The following FSIP1 variants were observed in gnomAD, a reference collection of about 807,000 sequenced individuals.
FSIP1 encodes the protein fibrous sheath-interacting protein 1.
FSIP1 carries 65 observed loss-of-function variants against 60.9 expected under a neutral mutation model. The ratio of observed to expected loss-of-function variants is 1.07; its 90% confidence interval spans 0.87 to 1.31. The LOEUF (loss-of-function observed/expected upper bound fraction) is 1.31. FSIP1 is among the 40% of genes most tolerant of loss of function. FSIP1 has a pLI of 0.00. For missense variants in FSIP1, 675 were observed against 665.5 expected (o/e 1.01, Z -0.16); for synonymous variants, 209 against 221.2 (o/e 0.94, Z 0.49).
intron 9 of FSIP1, among the ~76,000 whole-genome samples, chr15:39,715,122 A>G (rs1895689674): frequency 6.6e-6 from 1 of 152,124 alleles, no homozygotes; most frequent in South Asian, 2.1e-4. Context: ...CTTTGCAGGG[A>G]AGACACAGAA....
chr15:39,713,420 A>G, intron 10 of FSIP1, 24 bp downstream of exon 10: 2 of 1,570,910 alleles, frequency 1.3e-6, no homozygotes, highest in Non-Finnish European at 1.7e-6. Flanking sequence ...CTTAAAAAAA[A>G]TTAATTAAAA....
rs563186830 is a variant in FSIP1, at chr15:39,693,674, A to C, written c.1188+19770T>G. Among the ~76,000 whole-genome samples, 123 of 152,354 alleles carry C rather than the reference A, an allele frequency of 8.1e-4. 1 individual carries two copies. In the South Asian group the frequency reaches 0.024, roughly 30 times the overall value. ...GGCCCAAAATAGAATACTATATACA[A>C]AGGAGAAGAAAATCAAGAAAACTGC... is the stretch of plus-strand genomic sequence containing the variant. On this transcript the variant is annotated intron_variant, in intron 10 of 11. Coordinates refer to ENST00000350221, the MANE Select transcript of FSIP1 (RefSeq NM_152597.5).
chr15:39,616,566 C>T (rs1891238278), intron 11 of FSIP1, among the ~76,000 whole-genome samples: 1 of 152,166 alleles, frequency 6.6e-6, no homozygotes, highest in African/African-American at 2.4e-5. Context: ...GCCTGAACAA[C>T]AGCAGAAGCT....
chr15:39,738,092 T>C lies in FSIP1; in HGVS notation c.890A>G (p.Glu297Gly). 1 of 1,592,718 alleles carries C rather than the reference T, an allele frequency of 6.3e-7. No homozygotes were observed. The highest frequency in any genetic ancestry group is 1.1e-5 in the South Asian group (1 of 89,354). Residue 297 changes from glutamate to glycine, a missense_variant and splice_region_variant, in exon 8 of 12, where the codon GAG (glutamate) becomes GGG (glycine). Transcript: ENST00000350221. ...DEKDSGLSSS[E>G]GDQSGWVVPV... ...TGTTCCCTATCAGAGTTTACGTACC[T>C]CAGAACTGGAGAGCCCGGAATCTTT...
intron 10 of FSIP1, among the ~76,000 whole-genome samples, chr15:39,663,734 T>C (rs1486394414): frequency 6.6e-6 from 1 of 152,130 alleles, no homozygotes; most frequent in Non-Finnish European, 1.5e-5. Flanking sequence ...AGTTCCAGGA[T>C]AAAATACTGT....
At chr15:39,673,257 T>C (rs569435226) in intron 10 of FSIP1, among the ~76,000 whole-genome samples, 55 of 152,166 alleles carry the variant, frequency 3.6e-4, no homozygotes, top group Non-Finnish European at 6.8e-4. Flanking sequence ...AAAGCAAATA[T>C]CAAATTTCCT....
intron 10 of FSIP1, among the ~76,000 whole-genome samples, chr15:39,657,389 A>G (rs1204351115): frequency 2.0e-5 from 3 of 152,206 alleles, no homozygotes; most frequent in Non-Finnish European, 4.4e-5. Flanking sequence ...TTTGATCCAC[A>G]TGGTCACCAT....
chr15:39,614,993 T>C (rs561790863), intron 11 of FSIP1, among the ~76,000 whole-genome samples: 8 of 152,350 alleles, frequency 5.3e-5, no homozygotes, highest in South Asian at 2.1e-4. Context: ...CATGCATTTA[T>C]GGTCAATTGA....
intron 5 of FSIP1, among the ~76,000 whole-genome samples, chr15:39,757,475 C>T (rs552402461): frequency 2.6e-5 from 4 of 151,918 alleles, no homozygotes; most frequent in Non-Finnish European, 2.9e-5. Flanking sequence ...CTGATTATTC[C>T]AAAAGTTTCC....
chr15:39,745,518 C>T (rs1312528766), intron 5 of FSIP1, among the ~76,000 whole-genome samples: 2 of 152,132 alleles, frequency 1.3e-5, no homozygotes, highest in Non-Finnish European at 2.9e-5. Flanking sequence ...TATTTATCAG[C>T]TTATTCTAAT....
intron 11 of FSIP1, among the ~76,000 whole-genome samples, chr15:39,602,797 A>G (rs1187589442): frequency 6.6e-6 from 1 of 152,174 alleles, no homozygotes; most frequent in East Asian, 1.9e-4. Flanking sequence ...CCATCCCTCT[A>G]TAGTGTTGTC....
chr15:39,779,470 G>T (rs768572736), intron 1 of FSIP1, among the ~76,000 whole-genome samples: 20 of 152,074 alleles, frequency 1.3e-4, no homozygotes, highest in Non-Finnish European at 2.6e-4. Context: ...TCTCTAGAAT[G>T]TACTAAAAGG....
rs1386239208 is a variant in FSIP1, at chr15:39,600,177, A to C, written c.*703T>G. On this transcript the variant is annotated 3_prime_UTR_variant, in exon 12 of 12. Transcript: ENST00000350221. ...ATTTTCTCATGAATCTAAGTTACTG[A>C]CTTGTAACTAAACCATCTCTCTTCA... 1 of 152,242 alleles carries C rather than the reference A, an allele frequency of 6.6e-6. No individual in the cohort carries two copies. The highest frequency in any genetic ancestry group is 1.5e-5 in the Non-Finnish European group (1 of 68,048). The allele number at this position is 152,242 out of a possible 1,614,324, so 9.4% of individuals were successfully genotyped here.
chr15:39,655,231 T>C (rs1000165511), intron 10 of FSIP1, among the ~76,000 whole-genome samples: 5 of 152,242 alleles, frequency 3.3e-5, no homozygotes, highest in African/African-American at 1.2e-4. Flanking sequence ...ATAGACTTTG[T>C]CATATGAGAA....
At chr15:39,711,258 G>C (rs533973124) in intron 10 of FSIP1, among the ~76,000 whole-genome samples, 1 of 152,272 alleles carries the variant, frequency 6.6e-6, no homozygotes, top group Admixed American at 6.5e-5. Context: ...TTTCCTTCTT[G>C]ATAGGGATGA....
intron 10 of FSIP1, among the ~76,000 whole-genome samples, chr15:39,663,272 T>C (rs1169044822): frequency 6.6e-6 from 1 of 152,164 alleles, no homozygotes; most frequent in African/African-American, 2.4e-5. Context: ...TTCAACAAAA[T>C]CTACAGATTC....
intron 8 of FSIP1, among the ~76,000 whole-genome samples, chr15:39,727,548 A>C (rs1055790221): frequency 1.3e-5 from 2 of 152,244 alleles, no homozygotes; most frequent in African/African-American, 4.8e-5. Context: ...AAGACCAGTT[A>C]AGAAGCAATA....
chr15:39,779,679 T>C lies in FSIP1; in HGVS notation c.-8+2949A>G, dbSNP rs73397123. ...ATTTACTTCATGATACTTGATTAAA[T>C]AGATTAGATATATGACCAGATTCTA... On this transcript the variant is annotated intron_variant, in intron 1 of 11. Transcript: ENST00000350221. Among the ~76,000 whole-genome samples the C allele has an allele frequency of 6.3e-3, 955 of 152,358 alleles. 11 individuals carry two copies. The highest frequency in any genetic ancestry group is 0.021 in the African/African-American group (889 of 41,586).
intron 10 of FSIP1, among the ~76,000 whole-genome samples, chr15:39,690,886 T>C (rs1304802776): frequency 6.6e-6 from 1 of 152,230 alleles, no homozygotes; most frequent in Non-Finnish European, 1.5e-5. Context: ...TGCTAGCCAG[T>C]TCAACATTCT....
Sources: allele counts gnomAD v4.1 joint callset (sites outside exome capture counted in the v4.1 genomes callset), GRCh38; gene constraint gnomAD v4.1.1; transcripts MANE v1.5; gene names NCBI Gene and HGNC (gene_info 2026-07-23, HGNC 2026-07-21).